Variants in KIF25 observed in about 807,000 individuals in gnomAD.
KIF25 encodes kinesin family member 25, also known as kinesin-like protein KIF25.
Under a neutral mutation model 32.9 loss-of-function variants are expected in KIF25, and 19 were observed. That is an observed-to-expected ratio of 0.58 (90% CI 0.40 to 0.85). The LOEUF (loss-of-function observed/expected upper bound fraction) is 0.85, where lower values mean the gene tolerates loss of function less well. Among genes scored for constraint, KIF25 ranks in the 40% least tolerant of loss-of-function variants. KIF25 has a pLI of 0.00. For missense variants in KIF25, 485 were observed against 507.0 expected (o/e 0.96, Z 0.42); for synonymous variants, 225 against 213.7 (o/e 1.05, Z -0.46).
intron 5 of KIF25, among the ~76,000 whole-genome samples, chr6:168,027,215 G>A (rs1798872422): frequency 6.6e-6 from 1 of 152,168 alleles, no homozygotes; most frequent in South Asian, 2.1e-4. Flanking sequence ...CACTTTGGGA[G>A]GCAGAGGCGG....
At chr6:168,023,097 G>A (rs774989210) in intron 5 of KIF25, among the ~76,000 whole-genome samples, 26 of 152,030 alleles carry the variant, frequency 1.7e-4, no homozygotes, top group Non-Finnish European at 1.5e-4. Context: ...CACAGCCATG[G>A]CACCTCCATG....
chr6:168,035,805 TG>T (rs1799017009), intron 8 of KIF25: 2 of 455,904 alleles, frequency 4.4e-6, no homozygotes, highest in African/African-American at 4.0e-5. Context: ...CTCTTCCAAG[TG>T]AGTGGCCCCG....
intron 4 of KIF25, among the ~76,000 whole-genome samples, chr6:168,011,512 A>G (rs1179580542): frequency 6.6e-6 from 1 of 152,164 alleles, no homozygotes; most frequent in Non-Finnish European, 1.5e-5. Flanking sequence ...CAGCAGTTTG[A>G]CTATATTATC....
chr6:168,018,823 G>C (rs1224041923), intron 5 of KIF25, among the ~76,000 whole-genome samples: 1 of 152,158 alleles, frequency 6.6e-6, no homozygotes, highest in Non-Finnish European at 1.5e-5. Context: ...TCCTCTCCCC[G>C]GCAGCAGCCT....
intron 4 of KIF25, among the ~76,000 whole-genome samples, chr6:168,008,657 T>G (rs1449534246): frequency 1.3e-5 from 2 of 152,204 alleles, no homozygotes; most frequent in Admixed American, 1.3e-4. Flanking sequence ...CTAGATTGCT[T>G]TGGGTTGTAT....
chr6:168,015,785 A>T (rs1798704486), intron 4 of KIF25, among the ~76,000 whole-genome samples: 1 of 152,194 alleles, frequency 6.6e-6, no homozygotes, highest in Non-Finnish European at 1.5e-5. Flanking sequence ...ATAATTTCAG[A>T]TGTTTAAAAT....
intron 5 of KIF25, 36 bp from the exon 6 acceptor site, chr6:168,029,456 A>C (rs1474431478): frequency 7.1e-7 from 1 of 1,413,520 alleles, no homozygotes; most frequent in African/African-American, 1.4e-5. Flanking sequence ...TGGTCGTGGT[A>C]ATACTGTTAC....
At chr6:168,040,560 C>G (rs114717066) in intron 10 of KIF25, among the ~76,000 whole-genome samples, 2,239 of 147,910 alleles carry the variant, frequency 0.015, 50 homozygotes, top group African/African-American at 0.056. Context: ...AGCAAAAACT[C>G]TGTTAAAAAA....
intron 5 of KIF25, among the ~76,000 whole-genome samples, chr6:168,020,470 T>TAAA (rs77182863): frequency 1.4e-5 from 2 of 145,026 alleles, no homozygotes; most frequent in Non-Finnish European, 3.0e-5. Context: ...TTTTTCTTAT[T>TAAA]AAAAAAAAAA....
At chr6:168,036,091 G>A (rs1799022080) in intron 8 of KIF25, 1 of 187,190 alleles carries the variant, frequency 5.3e-6, no homozygotes, top group South Asian at 1.0e-4. Flanking sequence ...GATTGCTGAA[G>A]TCACCAGATA....
intron 8 of KIF25, among the ~76,000 whole-genome samples, chr6:168,037,645 TTCTC>T (rs35282663): frequency 1.1e-3 from 156 of 146,462 alleles, no homozygotes; most frequent in Admixed American, 1.7e-3. Flanking sequence ...AAGGTTTTAT[TTCTC>T]TCTCTCTCTC....
In KIF25 at chr6:168,040,800, A is replaced by G. The variant is rs114033963; in HGVS notation, c.646+584A>G. Among the ~76,000 whole-genome samples, 909 of 152,390 alleles carry G rather than the reference A, an allele frequency of 6.0e-3. 9 individuals are homozygous for G. Among genetic ancestry groups the G allele is most frequent in the African/African-American group, 0.02 (838 of 41,598 alleles). ...AGCAGGGCATAATACACCTTGGAGTACATGCATTTGTCATGGAAGAAACAA... is the reference window on the plus strand; with the variant it reads ...AGCAGGGCATAATACACCTTGGAGTGCATGCATTTGTCATGGAAGAAACAA... On this transcript the variant is annotated intron_variant, in intron 10 of 12. Coordinates refer to ENST00000643607, the MANE Select transcript of KIF25 (RefSeq NM_030615.4).
chr6:168,042,082 C>A lies in KIF25; in HGVS notation c.760C>A (p.Pro254Thr). 2 of 1,551,450 alleles carry A rather than the reference C, an allele frequency of 1.3e-6. No homozygotes were observed. Among genetic ancestry groups the A allele is most frequent in the South Asian group, 2.4e-5 (2 of 84,050 alleles). Reference protein sequence around the residue: ...ALAPQLVPGNPAGHAEQVQAR... With the variant: ...ALAPQLVPGNTAGHAEQVQAR... ...GGCTCCACAGCTGGTTCCTGGGAAC[C>A]CCGCAGGGCATGCGGAGCAGGTGCA... Residue 254 changes from proline (P) to threonine (T), a missense_variant, in exon 11 of 13, where the codon CCC becomes ACC. By Grantham distance (38) the Pro-to-Thr change is conservative. Transcript: ENST00000643607.
intron 5 of KIF25, among the ~76,000 whole-genome samples, chr6:168,024,228 G>A (rs1798826799): frequency 6.6e-6 from 1 of 152,166 alleles, no homozygotes; most frequent in Non-Finnish European, 1.5e-5. Flanking sequence ...GCAAATTTAT[G>A]AGCACTTTGG....
chr6:168,013,203 T>C (rs1798670623), intron 4 of KIF25, among the ~76,000 whole-genome samples: 1 of 151,668 alleles, frequency 6.6e-6, no homozygotes, highest in African/African-American at 2.4e-5. Context: ...ACTAGGAGGC[T>C]CAGGTGCCTC....
intron 5 of KIF25, among the ~76,000 whole-genome samples, chr6:168,021,703 G>A (rs1229350510): frequency 6.6e-6 from 1 of 152,168 alleles, no homozygotes; most frequent in Non-Finnish European, 1.5e-5. Flanking sequence ...CCCTCCCTCA[G>A]CTGCTGGTAG....
chr6:168,005,702 G>A (rs1798570528), intron 4 of KIF25, among the ~76,000 whole-genome samples: 1 of 152,230 alleles, frequency 6.6e-6, no homozygotes, highest in African/African-American at 2.4e-5. Flanking sequence ...GAAGCATCCA[G>A]CACGGGAGAA....
chr6:168,027,416 T>C (rs1330814903), intron 5 of KIF25, among the ~76,000 whole-genome samples: 1 of 134,554 alleles, frequency 7.4e-6, no homozygotes. Context: ...ATTGGGCCAT[T>C]GCACTCCAGC....
intron 5 of KIF25, among the ~76,000 whole-genome samples, chr6:168,024,027 A>C (rs1798824381): frequency 6.6e-6 from 1 of 152,222 alleles, no homozygotes; most frequent in South Asian, 2.1e-4. Context: ...ATGAATACTC[A>C]AGAAAATTTT....
Sources: gnomAD v4.1 joint callset for allele counts (sites outside exome capture counted in the v4.1 genomes callset) on GRCh38, gnomAD v4.1.1 for gene constraint, MANE v1.5 for transcripts, NCBI Gene and HGNC (gene_info 2026-07-23, HGNC 2026-07-21) for gene names.